Variants in ARSB observed in about 807,000 individuals in gnomAD.
ARSB encodes arylsulfatase B, also known as N-acetylgalactosamine-4-sulfatase.
ARSB carries 41 observed loss-of-function variants against 50.9 expected under a neutral mutation model. The ratio of observed to expected loss-of-function variants is 0.81; its 90% confidence interval spans 0.63 to 1.04. ARSB has a LOEUF of 1.04. ARSB is among the 50% of genes least tolerant of loss of function. The pLI is 0.00. For missense variants in ARSB, 672 were observed against 693.3 expected, an observed-to-expected ratio of 0.97 and a Z score of 0.35; for synonymous variants, 269 against 284.8, an observed-to-expected ratio of 0.94 and a Z score of 0.56.
chr5:78,895,952 T>C (rs1004051273), intron 4 of ARSB, among the ~76,000 whole-genome samples: 4 of 152,112 alleles, frequency 2.6e-5, no homozygotes, highest in Non-Finnish European at 5.9e-5. Context: ...GAAGAAATAA[T>C]GGACGGAGGG....
intron 6 of ARSB, chr5:78,815,475 T>C (rs1353499172): frequency 1.1e-6 from 1 of 923,970 alleles, no homozygotes; most frequent in African/African-American, 1.8e-5. Flanking sequence ...ACTTGGCAAA[T>C]GGAGGACAGG....
rs1403310392 is a variant in ARSB, at chr5:78,870,308, A to G, written c.1142+15276T>C. Reference sequence around the variant, plus strand: ...AAAAAGAGAGAATCCTCCCTAACTCATTTTATGAGTCCAGCATCATCCTGA... The same window carrying G: ...AAAAAGAGAGAATCCTCCCTAACTCGTTTTATGAGTCCAGCATCATCCTGA... On this transcript the variant is annotated intron_variant, in intron 5 of 7. Coordinates refer to ENST00000264914, the MANE Select transcript of ARSB (RefSeq NM_000046.5). 2.4e-5 allele frequency among the ~76,000 whole-genome samples: 2 copies of G among 84,296 alleles called. 1 individual carries two copies. The highest frequency in any genetic ancestry group is 5.0e-5 in the Non-Finnish European group (2 of 40,390). The allele number at this position is 84,296 out of a possible 152,430, so 55.3% of individuals were successfully genotyped here. A position where few individuals can be genotyped will look rare whatever the true frequency, so the allele number is the denominator to read the frequency against.
rs1580029767 is a variant in ARSB at position 78,903,476 on chromosome 5, T to A, written c.899-17649A>T. ...CCAAGACATGTCAGATTCTTTGTTC[T>A]TGTTTTCACCAGTCCATCAAATTTG... is the stretch of plus-strand genomic sequence containing the variant. On this transcript the variant is annotated intron_variant, in intron 4 of 7. Transcript: ENST00000264914. 2.0e-5 allele frequency among the ~76,000 whole-genome samples: 3 copies of A among 152,258 alleles called. No homozygotes were observed. The South Asian group carries it at 6.2e-4, about 31-fold the overall frequency.
intron 4 of ARSB, among the ~76,000 whole-genome samples, chr5:78,928,187 C>T (rs937139699): frequency 2.6e-5 from 4 of 152,138 alleles, no homozygotes; most frequent in African/African-American, 9.7e-5. Flanking sequence ...CAAGCAAACC[C>T]CATGGCCACA....
intron 5 of ARSB, among the ~76,000 whole-genome samples, chr5:78,878,716 G>A (rs1747602574): frequency 6.6e-6 from 1 of 151,976 alleles, no homozygotes; most frequent in Admixed American, 6.6e-5. Flanking sequence ...TATTGATAGT[G>A]GGGGAAAAGT....
At chr5:78,965,571 A>G (rs1483204897) in intron 2 of ARSB, among the ~76,000 whole-genome samples, 1 of 152,170 alleles carries the variant, frequency 6.6e-6, no homozygotes, top group Non-Finnish European at 1.5e-5. Context: ...CAACCTTCTG[A>G]ATTTATTAAA....
At chr5:78,813,403 T>C (rs1580994289) in intron 6 of ARSB, among the ~76,000 whole-genome samples, 4 of 152,306 alleles carry the variant, frequency 2.6e-5, no homozygotes, top group Admixed American at 2.6e-4. Flanking sequence ...TATGCAGTTA[T>C]ACAAATTAAA....
rs564475407 is a variant in ARSB at position 78,940,369 on chromosome 5, T to C, written c.898+14926A>G. On this transcript the variant is annotated intron_variant, in intron 4 of 7. Transcript: ENST00000264914. Reference sequence around the variant, plus strand: ...GAAGTCCTTGCCCATGCCTATGTCCTGAATGGTATTGCCTACGTTTTTTTC... The same window carrying C: ...GAAGTCCTTGCCCATGCCTATGTCCCGAATGGTATTGCCTACGTTTTTTTC... Among the ~76,000 whole-genome samples the C allele has an allele frequency of 6.0e-4, 91 of 152,362 alleles. 1 individual carries two copies. Among genetic ancestry groups the C allele is most frequent in the Non-Finnish European group, 8.7e-4 (59 of 68,038 alleles).
chr5:78,797,329 C>T (rs1299953100), intron 6 of ARSB, among the ~76,000 whole-genome samples: 1 of 152,200 alleles, frequency 6.6e-6, no homozygotes, highest in African/African-American at 2.4e-5. Flanking sequence ...TCAATGTTTT[C>T]GTTCCTCTAG....
chr5:78,943,646 G>A (rs1252876892), intron 4 of ARSB, among the ~76,000 whole-genome samples: 11 of 152,178 alleles, frequency 7.2e-5, no homozygotes, highest in South Asian at 4.1e-4. Flanking sequence ...CCGAGAGACC[G>A]ACTGTTAGTC....
chr5:78,890,597 G>T (rs1748246804), intron 4 of ARSB, among the ~76,000 whole-genome samples: 1 of 151,964 alleles, frequency 6.6e-6, no homozygotes, highest in African/African-American at 2.4e-5. Flanking sequence ...TCCCACCAGA[G>T]GTGTTTGTAA....
intron 4 of ARSB, among the ~76,000 whole-genome samples, chr5:78,890,304 G>A (rs1299713653): frequency 1.4e-5 from 2 of 146,760 alleles, no homozygotes; most frequent in Admixed American, 6.8e-5. Flanking sequence ...AGGATGGAGT[G>A]CAGTGGCAGG....
intron 6 of ARSB, among the ~76,000 whole-genome samples, chr5:78,802,572 A>G (rs1743430842): frequency 6.6e-6 from 1 of 152,196 alleles, no homozygotes; most frequent in Admixed American, 6.5e-5. Flanking sequence ...GCTGAGAAAC[A>G]GCCCCGGGAA....
intron 4 of ARSB, among the ~76,000 whole-genome samples, chr5:78,930,866 CG>C (rs1476161635): frequency 6.6e-6 from 1 of 152,230 alleles, no homozygotes; most frequent in Non-Finnish European, 1.5e-5. Flanking sequence ...CCAAGCACAG[CG>C]GGGTGGTCCC....
intron 4 of ARSB, among the ~76,000 whole-genome samples, chr5:78,919,063 G>T (rs1749688410): frequency 6.6e-6 from 1 of 152,180 alleles, no homozygotes; most frequent in African/African-American, 2.4e-5. Context: ...TTTCAATACA[G>T]GAAGCTAGGA....
At chr5:78,975,068 T>C (rs1190160048) in intron 1 of ARSB, among the ~76,000 whole-genome samples, 1 of 152,130 alleles carries the variant, frequency 6.6e-6, no homozygotes, top group Non-Finnish European at 1.5e-5. Context: ...CCTTGAGACA[T>C]GCACTTTCCC....
chr5:78,850,526 T>C (rs1745714617), intron 5 of ARSB, among the ~76,000 whole-genome samples: 1 of 152,106 alleles, frequency 6.6e-6, no homozygotes, highest in South Asian at 2.1e-4. Flanking sequence ...TTCTCTTTTT[T>C]GGTTGTGTCT....
chr5:78,887,908 T>C (rs1453795585), intron 4 of ARSB, among the ~76,000 whole-genome samples: 1 of 152,246 alleles, frequency 6.6e-6, no homozygotes, highest in Non-Finnish European at 1.5e-5. Context: ...TGAGTGTACA[T>C]AGGAAGTTAT....
rs1746876984 is a variant in ARSB, at chr5:78,867,858, TA to T, written c.1142+17725del. ...AGAAGAAGGCTTCAGACGATCAAAT[TA>T]CTCTGAGCTACGGGAGGACATTCAA... On this transcript the variant is annotated intron_variant, in intron 5 of 7. Transcript: ENST00000264914. Among the ~76,000 whole-genome samples, 7 of 146,036 alleles carry T rather than the reference TA, an allele frequency of 4.8e-5. No homozygotes were observed. In the South Asian group the frequency reaches 1.4e-3, roughly 30 times the overall value.
Sources: gnomAD v4.1 joint callset for allele counts (sites outside exome capture counted in the v4.1 genomes callset) on GRCh38, gnomAD v4.1.1 for gene constraint, MANE v1.5 for transcripts, NCBI Gene and HGNC (gene_info 2026-07-23, HGNC 2026-07-21) for gene names.